Variants in KCNT2 observed in about 807,000 individuals in gnomAD.
KCNT2 encodes potassium sodium-activated channel subfamily T member 2.
Under a neutral mutation model 153.8 loss-of-function variants are expected in KCNT2, and 67 were observed. The observed-to-expected ratio is 0.44, with a 90% confidence interval of 0.36 to 0.53. The LOEUF is 0.53. KCNT2 is among the 20% of genes least tolerant of loss of function. The pLI, the probability that KCNT2 is intolerant of heterozygous loss-of-function variation, is 0.00. For synonymous variants in KCNT2, 500 were observed against 458.8 expected, an observed-to-expected ratio of 1.09 and a Z score of -1.15; for missense variants, 975 against 1,354.8, an observed-to-expected ratio of 0.72 and a Z score of 4.40.
chr1:196,265,854 C>T (rs956346304), intron 25 of KCNT2, among the ~76,000 whole-genome samples: 1 of 152,124 alleles, frequency 6.6e-6, no homozygotes, highest in Non-Finnish European at 1.5e-5. Context: ...AACCCAACTT[C>T]AATCTAGGGA....
intron 19 of KCNT2, among the ~76,000 whole-genome samples, chr1:196,324,937 G>C (rs1339029262): frequency 6.6e-6 from 1 of 151,984 alleles, no homozygotes; most frequent in Non-Finnish European, 1.5e-5. Context: ...CAAACAGAAA[G>C]GGATTGATTT....
chr1:196,336,289 T>G (rs548172261), intron 16 of KCNT2, among the ~76,000 whole-genome samples: 4 of 152,078 alleles, frequency 2.6e-5, no homozygotes, highest in Non-Finnish European at 5.9e-5. Flanking sequence ...TTGTAATTAT[T>G]ACTTGCTGCA....
chr1:196,399,095 G>A (rs1671194847), intron 12 of KCNT2, among the ~76,000 whole-genome samples: 1 of 94,234 alleles, frequency 1.1e-5, no homozygotes, highest in Non-Finnish European at 2.5e-5. Context: ...TGACCTGTGT[G>A]TATGTGTGTG....
At chr1:196,504,270 T>A (rs9728591) in intron 1 of KCNT2, among the ~76,000 whole-genome samples, 1 of 134,234 alleles carries the variant, frequency 7.4e-6, no homozygotes, top group South Asian at 2.7e-4. Context: ...GAGTGTGATG[T>A]TCCCCTTCCT....
At chr1:196,482,444 CAGTT>C (rs1679091806) in intron 3 of KCNT2, 65 bp from the exon 4 acceptor site, 3 of 867,984 alleles carry the variant, frequency 3.5e-6, no homozygotes, top group African/African-American at 3.6e-5. Flanking sequence ...TTTTAAAATT[CAGTT>C]AAAGTTGGAA....
intron 1 of KCNT2, among the ~76,000 whole-genome samples, chr1:196,604,094 T>C (rs1326860973): frequency 6.6e-6 from 1 of 152,252 alleles, no homozygotes; most frequent in African/African-American, 2.4e-5. Context: ...TATTGAATGT[T>C]GAATGCCTTG....
intron 13 of KCNT2, among the ~76,000 whole-genome samples, chr1:196,382,524 A>G (rs1032072990): frequency 9.9e-5 from 15 of 152,142 alleles, no homozygotes; most frequent in African/African-American, 3.1e-4. Context: ...TGTTTACACA[A>G]ATATATTAAG....
At chr1:196,551,090 G>C (rs956948881) in intron 1 of KCNT2, among the ~76,000 whole-genome samples, 1 of 151,768 alleles carries the variant, frequency 6.6e-6, no homozygotes, top group Non-Finnish European at 1.5e-5. Flanking sequence ...TTGCCTCCAG[G>C]AGATGAGTGA....
chr1:196,379,460 T>C (rs564762177), intron 13 of KCNT2, among the ~76,000 whole-genome samples: 3 of 152,072 alleles, frequency 2.0e-5, no homozygotes, highest in Admixed American at 6.5e-5. Flanking sequence ...TCATCCCAGC[T>C]ACTCGGGAGG....
intron 1 of KCNT2, among the ~76,000 whole-genome samples, chr1:196,546,332 A>G (rs576687150): frequency 6.6e-6 from 1 of 152,194 alleles, no homozygotes; most frequent in East Asian, 1.9e-4. Flanking sequence ...TTGGTGTTAC[A>G]TCATTTGTCT....
At chr1:196,513,023 A>T (rs1440645683) in intron 1 of KCNT2, among the ~76,000 whole-genome samples, 1 of 152,078 alleles carries the variant, frequency 6.6e-6, no homozygotes, top group Non-Finnish European at 1.5e-5. Context: ...CTGAAAAAGG[A>T]GGTACTCTGA....
intron 8 of KCNT2, among the ~76,000 whole-genome samples, chr1:196,433,812 A>G (rs1415786277): frequency 6.6e-6 from 1 of 151,954 alleles, no homozygotes; most frequent in African/African-American, 2.4e-5. Flanking sequence ...TTATGTATAT[A>G]TATATATATT....
At chr1:196,263,477 G>A (rs190679649) in intron 25 of KCNT2, among the ~76,000 whole-genome samples, 25 of 152,092 alleles carry the variant, frequency 1.6e-4, no homozygotes, top group Non-Finnish European at 2.8e-4. Context: ...CACACACTGC[G>A]CCCTGTCATA....
intron 12 of KCNT2, among the ~76,000 whole-genome samples, chr1:196,399,605 A>G (rs1468729430): frequency 6.6e-6 from 1 of 151,776 alleles, no homozygotes; most frequent in East Asian, 1.9e-4. Context: ...TCCAAAATAC[A>G]GATAGACACG....
chr1:196,570,598 A>G lies in KCNT2; in HGVS notation c.95+37617T>C, dbSNP rs996972533. On this transcript the variant is annotated intron_variant, in intron 1 of 27. Transcript: ENST00000294725. ...ATTCTCTAAACAAGAAATACTTTAT[A>G]CATGTTATAAACTGGCAGATGCAAT... 2.0e-5 allele frequency among the ~76,000 whole-genome samples: 3 copies of G among 152,236 alleles called. No individual in the cohort carries two copies. In the East Asian group the frequency reaches 5.8e-4, roughly 29 times the overall value.
At chr1:196,532,204 G>T (rs553701624) in intron 1 of KCNT2, among the ~76,000 whole-genome samples, 1 of 152,128 alleles carries the variant, frequency 6.6e-6, no homozygotes, top group African/African-American at 2.4e-5. Context: ...CAAAGCATCA[G>T]TTTGGCATAA....
At chr1:196,325,803 C>A (rs1663790206) in intron 19 of KCNT2, among the ~76,000 whole-genome samples, 1 of 152,062 alleles carries the variant, frequency 6.6e-6, no homozygotes, top group African/African-American at 2.4e-5. Context: ...AATGATGATT[C>A]TAAGAAAGTT....
intron 21 of KCNT2, among the ~76,000 whole-genome samples, chr1:196,315,279 C>G (rs1370630464): frequency 2.0e-5 from 3 of 151,574 alleles, no homozygotes; most frequent in Non-Finnish European, 3.0e-5. Context: ...GAAACAGATG[C>G]CTTGAATGAC....
chr1:196,521,328 A>G (rs866854431), intron 1 of KCNT2, among the ~76,000 whole-genome samples: 1 of 152,190 alleles, frequency 6.6e-6, no homozygotes, highest in Non-Finnish European at 1.5e-5. Flanking sequence ...GAGAAAAGAG[A>G]ACGCTTATAC....
Sources: gnomAD v4.1 joint callset for allele counts (sites outside exome capture counted in the v4.1 genomes callset) on GRCh38, gnomAD v4.1.1 for gene constraint, MANE v1.5 for transcripts, NCBI Gene and HGNC (gene_info 2026-07-23, HGNC 2026-07-21) for gene names.